Variants in LEPR observed in about 807,000 individuals in gnomAD.
The protein encoded by LEPR is leptin receptor, also known as OB receptor.
Under a neutral mutation model 114.7 loss-of-function variants are expected in LEPR, and 56 were observed. That is an observed-to-expected ratio of 0.49 (90% CI 0.39 to 0.61). LEPR has a LOEUF of 0.61. Ranked by LOEUF, LEPR falls within the 20% of genes least tolerant of loss-of-function variation. The pLI is 0.00. For missense variants in LEPR, 1,202 were observed against 1,352.9 expected, an observed-to-expected ratio of 0.89 and a Z score of 1.75; for synonymous variants, 443 against 461.4, an observed-to-expected ratio of 0.96 and a Z score of 0.51.
intron 2 of LEPR, among the ~76,000 whole-genome samples, chr1:65,523,549 A>T (rs1023512237): frequency 1.4e-4 from 22 of 152,240 alleles, no homozygotes; most frequent in African/African-American, 5.3e-4. Context: ...GGGCTCAAGT[A>T]GTCTGCCCAC....
intron 2 of LEPR, among the ~76,000 whole-genome samples, chr1:65,461,274 C>T (rs1459992858): frequency 6.6e-6 from 1 of 152,108 alleles, no homozygotes; most frequent in African/African-American, 2.4e-5. Flanking sequence ...CATGCCTGGC[C>T]CCAGATCCAG....
intron 1 of LEPR, 22 bp downstream of exon 1, chr1:65,420,762 G>C (rs539912626): frequency 1.9e-6 from 3 of 1,576,510 alleles, no homozygotes; most frequent in South Asian, 2.3e-5. Flanking sequence ...TCCCCGGCTC[G>C]CTTGTCGTGT....
chr1:65,527,755 C>T (rs114471854), intron 2 of LEPR, among the ~76,000 whole-genome samples: 61 of 152,218 alleles, frequency 4.0e-4, no homozygotes, highest in Non-Finnish European at 7.1e-4. Flanking sequence ...CTGGAAATGT[C>T]GTAAGTTACT....
At chr1:65,454,100 G>A (rs1646829722) in intron 2 of LEPR, among the ~76,000 whole-genome samples, 1 of 150,904 alleles carries the variant, frequency 6.6e-6, no homozygotes, top group Non-Finnish European at 1.5e-5. Flanking sequence ...GACTAGGATT[G>A]CAACCCCTGC....
At position 65,435,690 on chromosome 1, in the gene LEPR, C is replaced by T. The variant is rs539052316; in HGVS notation, c.-21+10312C>T. 8.3e-5 allele frequency: 82 copies of T among 985,122 alleles called. No individual in the cohort carries two copies. In the African/African-American group the frequency reaches 1.2e-3, roughly 14 times the overall value. 61.0% of individuals were successfully genotyped at this position (985,122 alleles called of 1,614,324 possible). On this transcript the variant is annotated intron_variant, in intron 2 of 19. Transcript: ENST00000349533. ...CCAAAATGTGCCTTTGCAAAGTTTG[C>T]GAAATCAGATTTTGTATCCCAATAG...
chr1:65,458,768 CTTT>C (rs1646908846), intron 2 of LEPR, among the ~76,000 whole-genome samples: 1 of 152,054 alleles, frequency 6.6e-6, no homozygotes, highest in African/African-American at 2.4e-5. Context: ...GCCAATGTTT[CTTT>C]ATTTTTTCTG....
intron 2 of LEPR, among the ~76,000 whole-genome samples, chr1:65,469,905 C>A (rs527646470): frequency 6.6e-6 from 1 of 152,184 alleles, no homozygotes; most frequent in Non-Finnish European, 1.5e-5. Flanking sequence ...ATGGAGAAAG[C>A]CAGGCCTGAC....
At chr1:65,518,911 T>TTC (rs1176769587) in intron 2 of LEPR, among the ~76,000 whole-genome samples, 1 of 85,226 alleles carries the variant, frequency 1.2e-5, no homozygotes, top group Non-Finnish European at 2.9e-5. Context: ...CTTTCTTTCT[T>TTC]TCTTTCTCTC....
chr1:65,461,910 A>G (rs1220034766), intron 2 of LEPR, among the ~76,000 whole-genome samples: 1 of 152,208 alleles, frequency 6.6e-6, no homozygotes, highest in African/African-American at 2.4e-5. Context: ...TGAAAAAATC[A>G]TCAGGCATCT....
At chr1:65,509,413 T>C (rs1161578248) in intron 2 of LEPR, among the ~76,000 whole-genome samples, 2 of 152,144 alleles carry the variant, frequency 1.3e-5, no homozygotes, top group African/African-American at 4.8e-5. Context: ...TTTAATTCTG[T>C]CAAACCCTTT....
intron 2 of LEPR, among the ~76,000 whole-genome samples, chr1:65,473,530 A>G (rs1346123802): frequency 2.0e-5 from 3 of 152,366 alleles, no homozygotes; most frequent in South Asian, 2.1e-4. Flanking sequence ...GAATCTTTTA[A>G]TAATGGCATT....
In LEPR at chr1:65,605,141, ATCT is replaced by A; in HGVS notation, c.1510_1512del (p.Phe504del). 1 of 1,614,134 alleles carries A rather than the reference ATCT, an allele frequency of 6.2e-7. No homozygotes were observed. The highest frequency in any genetic ancestry group is 1.1e-5 in the South Asian group (1 of 91,084). On this transcript the variant is annotated inframe_deletion, in exon 11 of 20. Coordinates refer to ENST00000349533, the MANE Select transcript of LEPR (RefSeq NM_002303.6). ...TTTTTATGAATGCATTTTCCAGCCA[ATCT>A]TCCTATTATCTGGCTACACAATGTG... is the stretch of plus-strand genomic sequence containing the variant.
intron 2 of LEPR, among the ~76,000 whole-genome samples, chr1:65,539,959 A>T (rs564987969): frequency 6.6e-6 from 1 of 152,134 alleles, no homozygotes; most frequent in Non-Finnish European, 1.5e-5. Context: ...TCTGGCACTC[A>T]CTGAGGTTCG....
chr1:65,554,739 C>A (rs1317056816), intron 2 of LEPR, among the ~76,000 whole-genome samples: 4 of 151,852 alleles, frequency 2.6e-5, no homozygotes, highest in Non-Finnish European at 5.9e-5. Context: ...TGCTGGCATT[C>A]CAGGCACTGC....
At chr1:65,526,327 G>GT in intron 2 of LEPR, 1 of 985,368 alleles carries the variant, frequency 1.0e-6, no homozygotes, top group Non-Finnish European at 1.2e-6. Context: ...AACAACAACA[G>GT]TAGCAGCATC....
At chr1:65,513,382 G>A (rs1390196135) in intron 2 of LEPR, among the ~76,000 whole-genome samples, 1 of 152,190 alleles carries the variant, frequency 6.6e-6, no homozygotes, top group Non-Finnish European at 1.5e-5. Context: ...TTTCCTTAAT[G>A]TCACATTGAT....
chr1:65,549,039 A>G (rs902646514), intron 2 of LEPR, among the ~76,000 whole-genome samples: 1 of 151,342 alleles, frequency 6.6e-6, no homozygotes, highest in African/African-American at 2.4e-5. Context: ...GCTTGTCTGT[A>G]AAGTATTTTA....
intron 2 of LEPR, among the ~76,000 whole-genome samples, chr1:65,492,491 C>G (rs565359450): frequency 6.6e-6 from 1 of 152,156 alleles, no homozygotes; most frequent in South Asian, 2.1e-4. Flanking sequence ...TGGGTACAAT[C>G]TTCTTACTCA....
intron 2 of LEPR, among the ~76,000 whole-genome samples, chr1:65,536,523 G>A (rs947342690): frequency 3.3e-5 from 5 of 152,004 alleles, no homozygotes; most frequent in African/African-American, 7.2e-5. Context: ...AAAGCTCTGC[G>A]TATTTAACTA....
Sources: allele counts gnomAD v4.1 joint callset (sites outside exome capture counted in the v4.1 genomes callset), GRCh38; gene constraint gnomAD v4.1.1; transcripts MANE v1.5; gene names NCBI Gene and HGNC (gene_info 2026-07-23, HGNC 2026-07-21).